Variants in TACC3 observed in about 807,000 individuals in gnomAD.
TACC3 encodes the protein transforming acidic coiled-coil containing protein 3.
TACC3 carries 52 observed loss-of-function variants against 86.0 expected under a neutral mutation model. The ratio of observed to expected loss-of-function variants is 0.60; its 90% CI spans 0.48 to 0.76. The LOEUF (loss-of-function observed/expected upper bound fraction) is 0.76, where lower values mean the gene tolerates loss of function less well. Among genes scored for constraint, TACC3 ranks in the 30% least tolerant of loss-of-function variants. The pLI, the probability that TACC3 is intolerant of heterozygous loss-of-function variation, is 0.00. For synonymous variants in TACC3, 512 were observed against 430.0 expected (o/e 1.19, Z -2.36); for missense variants, 1,120 against 1,070.4 (o/e 1.05, Z -0.65).
At position 1,745,010 on chromosome 4, in the gene TACC3, C is replaced by G. The variant is rs535797456; in HGVS notation, c.2514C>G (p.Ile838Met). 3.1e-6 allele frequency: 5 copies of G among 1,606,632 alleles called. No individual in the cohort carries two copies. Among genetic ancestry groups the G allele is most frequent in the East Asian group, 4.5e-5 (2 of 44,722 alleles). Residue 838 changes from isoleucine to methionine, a missense_variant, in exon 16 of 16, where the codon ATC becomes ATG. Ile to Met is a conservative substitution (Grantham distance 10). Coordinates refer to ENST00000313288, the MANE Select transcript of TACC3 (RefSeq NM_006342.3). ...ACCTCATCTCCAAGATGGAGAAGATCTGACCTCCACGGAGCCGCTGTCCCC... is the reference window on the plus strand; with the variant it reads ...ACCTCATCTCCAAGATGGAGAAGATGTGACCTCCACGGAGCCGCTGTCCCC... ...CDDLISKMEK[I>M] is the part of the protein sequence containing the mutation.
chr4:1,721,066 G>A, upstream of TACC3: 3 of 291,018 alleles, frequency 1.0e-5, no homozygotes, highest in Non-Finnish European at 1.9e-5. Context: ...CCCGCCGCCC[G>A]GCCGCCCGCG....
At chr4:1,742,318 G>A (rs907674606) in intron 13 of TACC3, among the ~76,000 whole-genome samples, 4 of 152,208 alleles carry the variant, frequency 2.6e-5, no homozygotes, top group Admixed American at 1.3e-4. Context: ...AGGACACAGC[G>A]GCTTTGCTGA....
rs1453346649 is a variant in TACC3, at chr4:1,721,578, A to AC, written c.-66dup. The AC allele has an allele frequency of 1.3e-5, 2 of 152,266 alleles. No individual in the cohort carries two copies. Among genetic ancestry groups the AC allele is most frequent in the Non-Finnish European group, 2.9e-5 (2 of 68,160 alleles). 9.4% of individuals were successfully genotyped at this position (152,266 alleles called of 1,614,324 possible). A position where few individuals can be genotyped will look rare whatever the true frequency, so the allele number is the denominator to read the frequency against. On this transcript the variant is annotated 5_prime_UTR_variant, in exon 1 of 16. Transcript: ENST00000313288. ...AGGCTTGGCCCCCGGCGTGGAGCAG[A>AC]CGCGGACCCCTCCTTCCTGGCGGCG...
chr4:1,730,420 C>T (rs1001007510), intron 4 of TACC3: 6 of 255,040 alleles, frequency 2.4e-5, no homozygotes, highest in African/African-American at 6.7e-5. Context: ...TAACGATATT[C>T]ATATATAATC....
chr4:1,723,699 T>C (rs545133849), intron 2 of TACC3, 29 bp from the exon 3 acceptor site: 1 of 1,613,374 alleles, frequency 6.2e-7, no homozygotes, highest in Non-Finnish European at 8.5e-7. Flanking sequence ...AACTAATGAA[T>C]AGGTGCTCTC....
intron 11 of TACC3, 37 bp from the exon 12 acceptor site, chr4:1,739,922 C>T (rs1231825233): frequency 1.2e-6 from 2 of 1,612,724 alleles, no homozygotes; most frequent in Admixed American, 3.3e-5. Flanking sequence ...CGCTGGGCAC[C>T]CGAGGCAATG....
intron 14 of TACC3, 35 bp from the exon 15 acceptor site, chr4:1,744,677 C>T (rs778628682): frequency 6.2e-7 from 1 of 1,612,174 alleles, no homozygotes; most frequent in South Asian, 1.1e-5. Flanking sequence ...CACCTGGGCC[C>T]CAGCTCAGCC....
chr4:1,740,667 A>G, intron 12 of TACC3, 159 bp from the exon 13 acceptor site: 1 of 646,344 alleles, frequency 1.5e-6, no homozygotes, highest in South Asian at 1.9e-5. Flanking sequence ...CCGGCCTAGA[A>G]GATCCTGGGT....
chr4:1,727,827 G>A lies in TACC3; in HGVS notation c.425G>A (p.Ser142Asn), dbSNP rs546122050. 7 of 1,613,006 alleles carry A rather than the reference G, an allele frequency of 4.3e-6. No individual in the cohort carries two copies. In the South Asian group the frequency reaches 6.6e-5, roughly 15 times the overall value. ...CCAGCCTTTGGGAGTGGCAGCTCCA[G>A]CGAGTCTGGCCCAGGTGCCCTGGCT... ...ASPAFGSGSS[S>N]ESGPGALADL... The change falls in exon 4 of 16, where the codon AGC becomes AAC. Residue 142 changes from serine (S) to asparagine (N), a missense_variant. Transcript: ENST00000313288.
intron 3 of TACC3, among the ~76,000 whole-genome samples, chr4:1,726,816 C>G (rs1011330265): frequency 6.6e-6 from 1 of 152,026 alleles, no homozygotes; most frequent in African/African-American, 2.4e-5. Flanking sequence ...TGGGCAGGTG[C>G]TCGAATGGAT....
Position 1,740,933 on chromosome 4 carries a change from G to T in TACC3, c.2170G>T (p.Asp724Tyr). The T allele has an allele frequency of 1.2e-6, 2 of 1,612,634 alleles. No homozygotes were observed. The highest frequency in any genetic ancestry group is 1.7e-6 in the Non-Finnish European group (2 of 1,179,734). ...GAACTCCATGGAGAAGTCCTTCTCCGACCTCTTCAAGCGTTTTGAGAAACA... is the reference window on the plus strand; with the variant it reads ...GAACTCCATGGAGAAGTCCTTCTCCTACCTCTTCAAGCGTTTTGAGAAACA... The part of the protein sequence containing the change: ...DLNSMEKSFS[D>Y]LFKRFEKQKE... Residue 724 changes from aspartate to tyrosine, a missense_variant, in exon 13 of 16, where the codon GAC becomes TAC. By Grantham distance (160) the Asp-to-Tyr change is radical. Coordinates refer to ENST00000313288, the MANE Select transcript of TACC3 (RefSeq NM_006342.3).
Position 1,723,563 on chromosome 4 carries a change from A to T in TACC3, c.142A>T (p.Asn48Tyr). Residue 48 changes from asparagine to tyrosine, a missense_variant, in exon 2 of 16, where the codon AAC becomes TAC. By Grantham distance (143) the Asn-to-Tyr change is moderately radical. Transcript: ENST00000313288. ...ACAGAAAGAAAATGTGCCACCCAAG[A>T]ACCTGGCCAAAGCTATGAAGGTAAG... ...VSQKENVPPK[N>Y]LAKAMKVTFQ... The T allele has an allele frequency of 1.9e-6, 3 of 1,613,454 alleles. No homozygotes were observed. Among genetic ancestry groups the T allele is most frequent in the Non-Finnish European group, 2.5e-6 (3 of 1,179,796 alleles).
rs1236235239 is a variant in TACC3, at chr4:1,728,803, G to A, written c.1385+16G>A. ...GTCTGAGCCAGTAAGTGTGAGGATG[G>A]GATGGGGAGCGTGGCGTGGGGCAGC... On this transcript the variant is annotated intron_variant, in intron 4 of 15. Coordinates refer to ENST00000313288, the MANE Select transcript of TACC3 (RefSeq NM_006342.3). 1.3e-6 allele frequency: 2 copies of A among 1,586,658 alleles called. No homozygotes were observed. Among genetic ancestry groups the A allele is most frequent in the East Asian group, 2.2e-5 (1 of 44,724 alleles).
chr4:1,728,913 A>AG (rs1376976428), intron 4 of TACC3, 126 bp downstream of exon 4: 8 of 979,416 alleles, frequency 8.2e-6, no homozygotes, highest in East Asian at 2.6e-5. Flanking sequence ...CTGCCTGAGG[A>AG]GGGGCCTCTG....
chr4:1,745,029 T>C lies in TACC3; in HGVS notation c.*16T>C, dbSNP rs879161211. The C allele has an allele frequency of 3.8e-6, 6 of 1,596,336 alleles. No individual in the cohort carries two copies. Among genetic ancestry groups the C allele is most frequent in the South Asian group, 1.1e-5 (1 of 88,250 alleles). On this transcript the variant is annotated 3_prime_UTR_variant, in exon 16 of 16. Transcript: ENST00000313288. Reference sequence around the variant, plus strand: ...GAAGATCTGACCTCCACGGAGCCGCTGTCCCCGCCCCCCTGCTCCCGTCTG... The same window carrying C: ...GAAGATCTGACCTCCACGGAGCCGCCGTCCCCGCCCCCCTGCTCCCGTCTG...
upstream of TACC3, chr4:1,720,874 G>T (rs1717289519): frequency 6.5e-6 from 10 of 1,538,392 alleles, no homozygotes; most frequent in Non-Finnish European, 8.8e-6. This position sits in a 1 kb window ranked among gnomAD's most constrained non-coding sequence, Gnocchi z 4.4. Context: ...CTAGGCCCCC[G>T]CCCCGGCGCG....
chr4:1,730,129 C>T (rs1055538479), intron 4 of TACC3, among the ~76,000 whole-genome samples: 11 of 152,242 alleles, frequency 7.2e-5, no homozygotes, highest in Admixed American at 5.2e-4. Flanking sequence ...AGTTCTGCCT[C>T]CCGGGTTCAC....
chr4:1,736,053 G>T (rs1206100866), intron 8 of TACC3, among the ~76,000 whole-genome samples: 2 of 152,230 alleles, frequency 1.3e-5, no homozygotes, highest in Admixed American at 1.3e-4. Flanking sequence ...CAGGGCTGCT[G>T]CCTTGCTGGT....
At chr4:1,720,685 G>C, upstream of TACC3, 1 of 1,551,978 alleles carries the variant, frequency 6.4e-7, no homozygotes, top group Non-Finnish European at 8.7e-7. This position sits in a 1 kb window ranked among gnomAD's most constrained non-coding sequence, Gnocchi z 4.4. Context: ...GGCGCAAGTG[G>C]AAGGGCACGA....
Sources: gnomAD v4.1 joint callset for allele counts (sites outside exome capture counted in the v4.1 genomes callset) on GRCh38, gnomAD v4.1.1 for gene constraint, Gnocchi (gnomAD v3.1) non-coding constraint, MANE v1.5 for transcripts, NCBI Gene and HGNC (gene_info 2026-07-23, HGNC 2026-07-21) for gene names.